Variants in VASP observed in about 807,000 individuals in gnomAD.
VASP encodes the protein vasodilator stimulated phosphoprotein.
VASP carries 27 observed loss-of-function variants against 54.4 expected under a neutral mutation model. That is an observed-to-expected ratio of 0.50 (90% CI 0.37 to 0.68). The LOEUF (loss-of-function observed/expected upper bound fraction) is 0.68. Among genes scored for constraint, VASP ranks in the 30% least tolerant of loss-of-function variants. VASP has a pLI of 0.00. For synonymous variants in VASP, 233 were observed against 209.8 expected (o/e 1.11, Z -0.96); for missense variants, 488 against 528.3 (o/e 0.92, Z 0.75).
At chr19:45,514,650 G>A (rs1445695367) in intron 1 of VASP, among the ~76,000 whole-genome samples, 1 of 152,238 alleles carries the variant, frequency 6.6e-6, no homozygotes, top group Non-Finnish European at 1.5e-5. Context: ...AGTAGGGCAG[G>A]GCTGCCTGGG....
chr19:45,512,139 T>A lies in VASP; in HGVS notation c.5+4363T>A, dbSNP rs140073390. 3.9e-3 allele frequency among the ~76,000 whole-genome samples: 597 copies of A among 152,186 alleles called. 3 individuals are homozygous for A. The highest frequency in any genetic ancestry group is 3.9e-3 in the Non-Finnish European group (268 of 68,016). ...CCAGCCTGGGTGCAGAGTGAGAGAC[T>A]CTGTCTCAAAAGATAAATGGTACAA... is the stretch of plus-strand genomic sequence containing the variant. On this transcript the variant is annotated intron_variant, in intron 1 of 12. Coordinates refer to ENST00000245932, the MANE Select transcript of VASP (RefSeq NM_003370.4).
At chr19:45,514,588 C>T (rs1189955191) in intron 1 of VASP, among the ~76,000 whole-genome samples, 2 of 152,186 alleles carry the variant, frequency 1.3e-5, no homozygotes, top group Admixed American at 1.3e-4. Context: ...GGGGCAAGAC[C>T]ACCCCTTGGT....
At chr19:45,512,521 C>A (rs1968619676) in intron 1 of VASP, among the ~76,000 whole-genome samples, 1 of 151,846 alleles carries the variant, frequency 6.6e-6, no homozygotes, top group Non-Finnish European at 1.5e-5. Context: ...CTCCTGACAT[C>A]AAGAGGTCCG....
chr19:45,519,263 C>G (rs995190314), intron 3 of VASP, among the ~76,000 whole-genome samples: 1 of 152,130 alleles, frequency 6.6e-6, no homozygotes, highest in African/African-American at 2.4e-5. Context: ...ATCCGCCCGC[C>G]TAGGCCTCCC....
intron 1 of VASP, among the ~76,000 whole-genome samples, chr19:45,509,055 G>A (rs1968547041): frequency 6.6e-6 from 1 of 152,222 alleles, no homozygotes; most frequent in South Asian, 2.1e-4. Flanking sequence ...GGCCCCTGGG[G>A]ACGGTTGGGG....
intron 11 of VASP, chr19:45,524,885 C>T: frequency 2.2e-6 from 1 of 450,396 alleles, no homozygotes; most frequent in South Asian, 2.3e-5. Context: ...CAGATGAGTG[C>T]CTTGAATTCT....
chr19:45,521,454 A>G lies in VASP; in HGVS notation c.428+48A>G, dbSNP rs201557550. The stretch of plus-strand genomic sequence containing the variant: ...GAACCTTAGCCGCTGCCAGAGTTCC[A>G]TATGTTCTGGAACCCTTGACTCCTA... On this transcript the variant is annotated intron_variant, in intron 4 of 12. Transcript: ENST00000245932. The G allele has an allele frequency of 1.7e-4, 253 of 1,455,456 alleles. 1 individual carries two copies. In the African/African-American group the frequency reaches 3.2e-3, roughly 18 times the overall value. 90.2% of individuals were successfully genotyped at this position (1,455,456 alleles called of 1,614,324 possible). A position where few individuals can be genotyped will look rare whatever the true frequency, so the allele number is the denominator to read the frequency against.
intron 11 of VASP, 121 bp from the exon 12 acceptor site, chr19:45,525,825 T>C (rs1599943855): frequency 1.1e-6 from 1 of 937,374 alleles, no homozygotes; most frequent in East Asian, 2.5e-5. Context: ...GCTGTGATCA[T>C]GCCATTGCAC....
intron 3 of VASP, 122 bp from the exon 4 acceptor site, chr19:45,521,200 T>C (rs1041236375): frequency 1.3e-5 from 13 of 1,002,820 alleles, no homozygotes; most frequent in African/African-American, 9.7e-5. Flanking sequence ...TCAGGGCCTC[T>C]GGAAGGAGGA....
intron 3 of VASP, among the ~76,000 whole-genome samples, chr19:45,518,555 C>T (rs189854614): frequency 6.6e-5 from 10 of 152,162 alleles, no homozygotes; most frequent in African/African-American, 9.6e-5. Context: ...AGCAAGATTC[C>T]GTCTCAGAAA....
intron 4 of VASP, 96 bp downstream of exon 4, chr19:45,521,502 G>A: frequency 1.7e-6 from 2 of 1,148,456 alleles, no homozygotes; most frequent in South Asian, 1.6e-5. Context: ...CAGCCAACTT[G>A]CAGTTTTCAG....
At chr19:45,509,574 C>T (rs1968560085) in intron 1 of VASP, among the ~76,000 whole-genome samples, 1 of 152,230 alleles carries the variant, frequency 6.6e-6, no homozygotes, top group South Asian at 2.1e-4. Context: ...TCCCACAAGG[C>T]CCACCTCTTG....
intron 6 of VASP, 26 bp downstream of exon 6, chr19:45,522,607 G>C: frequency 6.7e-7 from 1 of 1,498,442 alleles, no homozygotes; most frequent in Non-Finnish European, 8.8e-7. Flanking sequence ...AGGTGGGCAG[G>C]GGGCAACAGG....
rs1968522513 is a variant in VASP, at chr19:45,507,974, G to A, written c.5+198G>A. ...ACGACTGACTCCCCAAGCTCGGGGG[G>A]TGGTGGCGGTGAGGTTCTCCTGGGA... On this transcript the variant is annotated intron_variant, in intron 1 of 12. Transcript: ENST00000245932. This position sits in a 1 kb window ranked among gnomAD's most constrained non-coding sequence, Gnocchi z 4.4. Among the ~76,000 whole-genome samples, 3 of 152,170 alleles carry A rather than the reference G, an allele frequency of 2.0e-5. No individual in the cohort carries two copies. The highest frequency in any genetic ancestry group is 1.9e-4 in the East Asian group (1 of 5,182).
chr19:45,524,068 G>T, intron 9 of VASP, 29 bp from the exon 10 acceptor site: 1 of 1,614,028 alleles, frequency 6.2e-7, no homozygotes, highest in Non-Finnish European at 8.5e-7. Flanking sequence ...TTTTGTCCCT[G>T]ATCTTTCTGA....
Position 45,507,566 on chromosome 19 carries a change from C to T in VASP, c.-206C>T. 1 of 554,244 alleles carries T rather than the reference C, an allele frequency of 1.8e-6. No individual in the cohort carries two copies. 34.3% of individuals were successfully genotyped at this position (554,244 alleles called of 1,614,324 possible). ...TGCATCCCCTTTCTGCTGCAGGAAC[C>T]TCTCATCAGACCGCCTGAGGGAAGC... On this transcript the variant is annotated 5_prime_UTR_variant, in exon 1 of 13. Transcript: ENST00000245932. This position sits in a 1 kb window ranked among gnomAD's most constrained non-coding sequence, Gnocchi z 4.4.
chr19:45,520,897 G>A (rs565738990), intron 3 of VASP, among the ~76,000 whole-genome samples: 2 of 152,320 alleles, frequency 1.3e-5, no homozygotes, highest in East Asian at 3.9e-4. Flanking sequence ...CCGGGAGGTG[G>A]AGGCTGTGGT....
intron 1 of VASP, among the ~76,000 whole-genome samples, chr19:45,517,016 G>T (rs1348171498): frequency 1.4e-5 from 2 of 141,676 alleles, no homozygotes; most frequent in Non-Finnish European, 3.1e-5. Context: ...AGATTAGTCG[G>T]GTGTGGTGGT....
chr19:45,523,027 A>G (rs568249978), intron 7 of VASP, among the ~76,000 whole-genome samples: 2 of 152,130 alleles, frequency 1.3e-5, no homozygotes, highest in Non-Finnish European at 2.9e-5. Flanking sequence ...AAAACCCAGA[A>G]TTCTAGAACC....
Sources: gnomAD v4.1 joint callset for allele counts (sites outside exome capture counted in the v4.1 genomes callset) on GRCh38, gnomAD v4.1.1 for gene constraint, Gnocchi (gnomAD v3.1) non-coding constraint, MANE v1.5 for transcripts, NCBI Gene and HGNC (gene_info 2026-07-23, HGNC 2026-07-21) for gene names.